Variants in TCEA1 observed in about 807,000 individuals in gnomAD.
The protein encoded by TCEA1 is transcription elongation factor A protein 1.
A neutral mutation model predicts 43.8 loss-of-function variants in TCEA1; 21 were observed. That is an observed-to-expected ratio of 0.48 (90% CI 0.34 to 0.69). The LOEUF (loss-of-function observed/expected upper bound fraction) is 0.69. TCEA1 is among the 30% of genes least tolerant of loss of function. The pLI is 0.01. For missense variants in TCEA1, 250 were observed against 365.1 expected (o/e 0.68, Z 2.57); for synonymous variants, 104 against 117.5 (o/e 0.88, Z 0.75).
In TCEA1 at chr8:53,973,457, G is replaced by T. The variant is rs920551458; in HGVS notation, c.826-2994C>A. The T allele has an allele frequency of 2.6e-5, 13 of 506,816 alleles. No individual in the cohort carries two copies. In the Admixed American group the frequency reaches 3.7e-4, roughly 15 times the overall value. 31.4% of individuals were successfully genotyped at this position (506,816 alleles called of 1,614,324 possible). A position where few individuals can be genotyped will look rare whatever the true frequency, so the allele number is the denominator to read the frequency against. On this transcript the variant is annotated intron_variant, in intron 8 of 9. Coordinates refer to ENST00000521604, the MANE Select transcript of TCEA1 (RefSeq NM_006756.4). ...CCTCTGATGTTGATATGAATGACCAGTACTTTGCTAAAGAAGTTTAAAAAA... is the reference window on the plus strand; with the variant it reads ...CCTCTGATGTTGATATGAATGACCATTACTTTGCTAAAGAAGTTTAAAAAA...
chr8:53,999,289 G>A (rs1036204563), intron 3 of TCEA1, among the ~76,000 whole-genome samples: 13 of 150,184 alleles, frequency 8.7e-5, no homozygotes, highest in Non-Finnish European at 1.6e-4. Context: ...ATCTTTTCCT[G>A]AAGGTAGAAA....
intron 7 of TCEA1, 77 bp downstream of exon 7, chr8:53,984,286 A>G (rs1563476624): frequency 4.6e-6 from 6 of 1,309,570 alleles, no homozygotes; most frequent in Non-Finnish European, 3.1e-6. Flanking sequence ...TTTATATAGT[A>G]GTCTATGATG....
At chr8:53,978,222 G>A (rs1803390528) in intron 8 of TCEA1, among the ~76,000 whole-genome samples, 1 of 151,926 alleles carries the variant, frequency 6.6e-6, no homozygotes, top group African/African-American at 2.4e-5. Context: ...AATGCAGCAA[G>A]ACCCCATCTC....
Position 54,006,005 on chromosome 8 carries a change from T to C in TCEA1, c.126+4425A>G, listed in dbSNP as rs998103204. Among the ~76,000 whole-genome samples, 11 of 152,338 alleles carry C rather than the reference T, an allele frequency of 7.2e-5. No homozygotes were observed. In the East Asian group the frequency reaches 1.7e-3, roughly 24 times the overall value. ...GCCACACTGCTTCCACATACTGTTT[T>C]CTCTGCTGAAATATCTTTCCCTGTC... On this transcript the variant is annotated intron_variant, in intron 2 of 9. Coordinates refer to ENST00000521604, the MANE Select transcript of TCEA1 (RefSeq NM_006756.4).
At chr8:53,989,817 G>C (rs1443461856) in intron 4 of TCEA1, among the ~76,000 whole-genome samples, 1 of 152,108 alleles carries the variant, frequency 6.6e-6, no homozygotes, top group Non-Finnish European at 1.5e-5. Context: ...AAGAGAGCAA[G>C]AGTTGTGCAG....
chr8:54,021,842 C>G lies in TCEA1; in HGVS notation c.63+221G>C, dbSNP rs538256635. ...AGGTTTATTACACGGCACCAGCGAG[C>G]AGGGACTGGAAATACAAGAGCGAGC... On this transcript the variant is annotated intron_variant, in intron 1 of 9. Transcript: ENST00000521604. 2.7e-5 allele frequency: 11 copies of G among 400,024 alleles called. No individual in the cohort carries two copies. The Middle Eastern group carries it at 2.6e-3, about 95-fold the overall frequency. The allele number at this position is 400,024 out of a possible 1,614,324, so 24.8% of individuals were successfully genotyped here.
intron 8 of TCEA1, chr8:53,972,048 G>A: frequency 4.3e-6 from 1 of 232,652 alleles, no homozygotes; most frequent in Non-Finnish European, 8.6e-6. Context: ...ATTAGACTCG[G>A]GCACCTCTGA....
At chr8:53,978,790 T>C (rs1228603660) in intron 8 of TCEA1, 1 of 404,220 alleles carries the variant, frequency 2.5e-6, no homozygotes, top group Non-Finnish European at 4.4e-6. Flanking sequence ...TGTTAATCTC[T>C]TCCTATGCCT....
At chr8:53,992,369 T>G (rs1452867911) in intron 4 of TCEA1, among the ~76,000 whole-genome samples, 1 of 151,750 alleles carries the variant, frequency 6.6e-6, no homozygotes. Context: ...TCCCAGCACT[T>G]TGGGACACTG....
rs6981159 is a variant in TCEA1, at chr8:53,977,440, G to T, written c.825+1585C>A. On this transcript the variant is annotated intron_variant, in intron 8 of 9. Transcript: ENST00000521604. ...GAACGAGGTGGCCACAGGCAAAAGTGGGAATGGAATTTCCTACTCATAAAC... is the reference window on the plus strand; with the variant it reads ...GAACGAGGTGGCCACAGGCAAAAGTTGGAATGGAATTTCCTACTCATAAAC... 3.4e-4 allele frequency among the ~76,000 whole-genome samples: 51 copies of T among 152,186 alleles called. 1 individual carries two copies. The highest frequency in any genetic ancestry group is 1.5e-4 in the Non-Finnish European group (10 of 68,032).
chr8:54,014,762 A>C (rs1417954150), intron 1 of TCEA1, among the ~76,000 whole-genome samples: 1 of 152,260 alleles, frequency 6.6e-6, no homozygotes, highest in Non-Finnish European at 1.5e-5. Context: ...AGGGATTTAT[A>C]GTTAAGAATA....
chr8:53,973,670 G>GA, intron 8 of TCEA1: 1 of 556,270 alleles, frequency 1.8e-6, no homozygotes, highest in African/African-American at 1.9e-5. Context: ...AGAAAAAGAA[G>GA]AAAAAGCAGC....
intron 3 of TCEA1, among the ~76,000 whole-genome samples, chr8:53,998,243 T>C (rs1804130552): frequency 6.6e-6 from 1 of 152,220 alleles, no homozygotes. Flanking sequence ...CTGTAGACTG[T>C]ATCACTGTCA....
At chr8:53,989,986 A>G (rs903336751) in intron 4 of TCEA1, among the ~76,000 whole-genome samples, 9 of 152,186 alleles carry the variant, frequency 5.9e-5, no homozygotes, top group Admixed American at 5.2e-4. Context: ...CTGTAATCCC[A>G]GGAGTTCAAG....
intron 4 of TCEA1, among the ~76,000 whole-genome samples, chr8:53,991,974 T>C (rs567002453): frequency 6.6e-6 from 1 of 152,124 alleles, no homozygotes; most frequent in African/African-American, 2.4e-5. Context: ...TGGGAAAATA[T>C]TGAGAAACAA....
chr8:54,004,423 A>T (rs1306027388), intron 2 of TCEA1, among the ~76,000 whole-genome samples: 1 of 152,240 alleles, frequency 6.6e-6, no homozygotes, highest in Non-Finnish European at 1.5e-5. Context: ...TATCCATGCA[A>T]CTGAATATTA....
chr8:53,997,056 C>A (rs565987228), intron 3 of TCEA1, among the ~76,000 whole-genome samples: 1 of 151,984 alleles, frequency 6.6e-6, no homozygotes, highest in East Asian at 1.9e-4. Context: ...CAGGTGCTCA[C>A]CATCACACTC....
chr8:54,004,154 G>C (rs1459402071), intron 2 of TCEA1, among the ~76,000 whole-genome samples: 1 of 152,190 alleles, frequency 6.6e-6, no homozygotes, highest in African/African-American at 2.4e-5. Flanking sequence ...CAAGGATGCA[G>C]AGAAACTGGA....
intron 2 of TCEA1, among the ~76,000 whole-genome samples, chr8:54,009,928 ACC>A (rs1057175608): frequency 6.6e-5 from 10 of 152,088 alleles, no homozygotes; most frequent in African/African-American, 2.4e-4. Context: ...TATTACATAT[ACC>A]CCCTTAAACA....
Sources: allele counts gnomAD v4.1 joint callset (sites outside exome capture counted in the v4.1 genomes callset), GRCh38; gene constraint gnomAD v4.1.1; transcripts MANE v1.5; gene names NCBI Gene and HGNC (gene_info 2026-07-23, HGNC 2026-07-21).